Variants in TM4SF4 observed in about 807,000 individuals in gnomAD.
The protein encoded by TM4SF4 is transmembrane 4 L6 family member 4.
In TM4SF4, 24 loss-of-function variants were observed where a neutral mutation model predicts 24.1. The observed-to-expected ratio is 1.00, with a 90% CI of 0.72 to 1.40. The LOEUF is 1.40. Among genes scored for constraint, TM4SF4 ranks in the 40% most tolerant of loss-of-function variants. The pLI, the probability that TM4SF4 is intolerant of heterozygous loss-of-function variation, is 0.00. For synonymous variants in TM4SF4, 113 were observed against 97.0 expected (o/e 1.17, Z -0.97); for missense variants, 254 against 254.2 (o/e 1.00, Z 0.01).
intron 2 of TM4SF4, among the ~76,000 whole-genome samples, chr3:149,483,326 C>A (rs931466734): frequency 6.6e-6 from 1 of 152,032 alleles, no homozygotes. Context: ...GAATTGTAGG[C>A]CAGGTATGAT....
chr3:149,487,702 G>T lies in TM4SF4; in HGVS notation c.348G>T (p.Lys116Asn). The change falls in exon 3 of 5, where the codon AAG becomes AAT. Residue 116 changes from lysine (K) to asparagine (N), a missense_variant. Transcript: ENST00000305354. ...SFIISAISIN[K>N]GPKCLMANST... ...TCATCTCAGCCATTTCAATCAACAA[G>T]GGTCCTAAATGCCTCATGGCCAATA... 6.2e-7 allele frequency: 1 copy of T among 1,613,998 alleles called. No homozygotes were observed. The highest frequency in any genetic ancestry group is 8.5e-7 in the Non-Finnish European group (1 of 1,179,892).
chr3:149,484,955 T>C (rs561075401), intron 2 of TM4SF4, among the ~76,000 whole-genome samples: 7 of 152,372 alleles, frequency 4.6e-5, no homozygotes, highest in Admixed American at 2.6e-4. Context: ...TTAATAAATA[T>C]GTGTTAAGAA....
intron 2 of TM4SF4, among the ~76,000 whole-genome samples, chr3:149,478,076 C>T (rs973798219): frequency 1.3e-5 from 2 of 152,210 alleles, no homozygotes; most frequent in Non-Finnish European, 2.9e-5. Context: ...CTAAGTATTA[C>T]ACAAAACTTG....
At chr3:149,485,323 G>A (rs1734097039) in intron 2 of TM4SF4, among the ~76,000 whole-genome samples, 1 of 152,256 alleles carries the variant, frequency 6.6e-6, no homozygotes, top group Non-Finnish European at 1.5e-5. Context: ...GAGATTGCCT[G>A]TTCTAACACG....
At chr3:149,476,075 A>G (rs1008970482) in intron 2 of TM4SF4, among the ~76,000 whole-genome samples, 163 bp downstream of exon 2, 2 of 152,196 alleles carry the variant, frequency 1.3e-5, no homozygotes, top group Non-Finnish European at 2.9e-5. Context: ...GTGAAATAAT[A>G]ATAATTTTCC....
At chr3:149,481,346 G>T (rs1560029405) in intron 2 of TM4SF4, among the ~76,000 whole-genome samples, 1 of 152,058 alleles carries the variant, frequency 6.6e-6, no homozygotes, top group Non-Finnish European at 1.5e-5. Context: ...TTGCTGGATG[G>T]ATGAAGTAAG....
chr3:149,497,184 G>A (rs1212638156), intron 3 of TM4SF4, among the ~76,000 whole-genome samples: 1 of 152,128 alleles, frequency 6.6e-6, no homozygotes, highest in Non-Finnish European at 1.5e-5. Flanking sequence ...GACAATACTA[G>A]CCTTTATTGA....
chr3:149,475,638 C>G, intron 1 of TM4SF4, 185 bp from the exon 2 acceptor site: 1 of 518,534 alleles, frequency 1.9e-6, no homozygotes, highest in Non-Finnish European at 3.5e-6. Context: ...GCTGGTTAGT[C>G]AGCCCAAATG....
chr3:149,482,156 C>T (rs1251642598), intron 2 of TM4SF4, among the ~76,000 whole-genome samples: 1 of 152,196 alleles, frequency 6.6e-6, no homozygotes, highest in African/African-American at 2.4e-5. Context: ...TACATATTAT[C>T]TGTAAGGCAG....
chr3:149,490,696 A>T (rs1468402985), intron 3 of TM4SF4, among the ~76,000 whole-genome samples: 1 of 152,226 alleles, frequency 6.6e-6, no homozygotes, highest in Non-Finnish European at 1.5e-5. Flanking sequence ...CTGGTATCTG[A>T]TAGTTAAAAA....
intron 4 of TM4SF4, among the ~76,000 whole-genome samples, chr3:149,500,309 A>G (rs1381387277): frequency 6.6e-6 from 1 of 152,062 alleles, no homozygotes; most frequent in Non-Finnish European, 1.5e-5. Flanking sequence ...ATTTCTAGGT[A>G]AGAAGACTGA....
chr3:149,480,592 C>G (rs572024205), intron 2 of TM4SF4, among the ~76,000 whole-genome samples: 1 of 152,206 alleles, frequency 6.6e-6, no homozygotes, highest in Middle Eastern at 3.4e-3. Flanking sequence ...CTCATCAGTG[C>G]CCCCTAGAGA....
intron 3 of TM4SF4, among the ~76,000 whole-genome samples, chr3:149,490,018 C>T (rs574336064): frequency 2.6e-5 from 4 of 151,696 alleles, no homozygotes; most frequent in South Asian, 4.2e-4. Context: ...ATTACAAAAC[C>T]GTATATATCA....
chr3:149,475,694 C>T, intron 1 of TM4SF4, 129 bp from the exon 2 acceptor site: 1 of 732,120 alleles, frequency 1.4e-6, no homozygotes, highest in South Asian at 1.7e-5. Flanking sequence ...CAGCCATGCT[C>T]TGTTACTTTG....
intron 2 of TM4SF4, among the ~76,000 whole-genome samples, chr3:149,476,641 G>A (rs1733932778): frequency 6.6e-6 from 1 of 152,138 alleles, no homozygotes; most frequent in Admixed American, 6.5e-5. Flanking sequence ...TCAAGTATGG[G>A]ACAAGCTCTG....
intron 2 of TM4SF4, among the ~76,000 whole-genome samples, chr3:149,486,892 A>G (rs1171362754): frequency 4.6e-5 from 7 of 152,194 alleles, no homozygotes; most frequent in African/African-American, 1.7e-4. Context: ...TCTCATAAGT[A>G]GAACCTGCCT....
intron 3 of TM4SF4, among the ~76,000 whole-genome samples, chr3:149,497,169 A>G (rs1055047784): frequency 7.9e-5 from 12 of 152,246 alleles, no homozygotes; most frequent in Admixed American, 7.8e-4. Context: ...ATTAAGTAAA[A>G]TAATGACAAT....
chr3:149,478,813 G>T (rs1293901929), intron 2 of TM4SF4, among the ~76,000 whole-genome samples: 2 of 152,200 alleles, frequency 1.3e-5, no homozygotes, highest in Non-Finnish European at 2.9e-5. Context: ...CAGCAGGCTG[G>T]AGTGAGATGA....
intron 2 of TM4SF4, among the ~76,000 whole-genome samples, chr3:149,481,697 T>C (rs1357750427): frequency 2.0e-5 from 3 of 152,212 alleles, no homozygotes; most frequent in African/African-American, 7.2e-5. Context: ...TGATGGTACC[T>C]GTCTGTCTCC....
Sources: gnomAD v4.1 joint callset for allele counts (sites outside exome capture counted in the v4.1 genomes callset) on GRCh38, gnomAD v4.1.1 for gene constraint, MANE v1.5 for transcripts, NCBI Gene and HGNC (gene_info 2026-07-23, HGNC 2026-07-21) for gene names.